The following SGPP2 variants were observed in gnomAD, a reference collection of about 807,000 sequenced individuals.
SGPP2 encodes sphingosine 1-phosphate phosphohydrolase 2.
A neutral mutation model predicts 33.9 loss-of-function variants in SGPP2; 30 were observed. The ratio of observed to expected loss-of-function variants is 0.89; its 90% CI spans 0.66 to 1.20. The LOEUF is 1.20. Among genes scored for constraint, SGPP2 ranks in the 50% most tolerant of loss-of-function variants. The pLI is 0.00. For missense variants in SGPP2, 458 were observed against 532.1 expected (o/e 0.86, Z 1.37); for synonymous variants, 233 against 225.0 (o/e 1.04, Z -0.32).
intron 1 of SGPP2, among the ~76,000 whole-genome samples, chr2:222,432,182 G>T (rs935695283): frequency 6.6e-6 from 1 of 152,334 alleles, no homozygotes; most frequent in East Asian, 1.9e-4. Context: ...AGGATTGATG[G>T]AGGTGCTTGT....
chr2:222,553,591 T>G (rs914422977), intron 4 of SGPP2, among the ~76,000 whole-genome samples: 1 of 152,160 alleles, frequency 6.6e-6, no homozygotes, highest in Non-Finnish European at 1.5e-5. Context: ...TCCTAGGAGA[T>G]TCCAATGCAC....
At chr2:222,539,304 G>A (rs1025927423) in intron 4 of SGPP2, among the ~76,000 whole-genome samples, 14 of 152,172 alleles carry the variant, frequency 9.2e-5, no homozygotes, top group African/African-American at 2.2e-4. Flanking sequence ...TAATTATAAA[G>A]GTTCTTAAAT....
intron 1 of SGPP2, among the ~76,000 whole-genome samples, chr2:222,443,952 A>G (rs1263168158): frequency 6.6e-6 from 1 of 152,184 alleles, no homozygotes; most frequent in Non-Finnish European, 1.5e-5. Flanking sequence ...TGAGATGTAA[A>G]TAAGATCATC....
chr2:222,515,681 C>T (rs1698594526), intron 2 of SGPP2, among the ~76,000 whole-genome samples: 1 of 152,084 alleles, frequency 6.6e-6, no homozygotes, highest in African/African-American at 2.4e-5. Context: ...ATACAATTCA[C>T]CCATTTAAAG....
rs75573241 is a variant in SGPP2 at position 222,554,212 on chromosome 2, T to G, written c.649-4135T>G. Among the ~76,000 whole-genome samples the G allele has an allele frequency of 9.3e-3, 1,418 of 152,366 alleles. 17 individuals are homozygous for G. Among genetic ancestry groups the G allele is most frequent in the African/African-American group, 0.027 (1,133 of 41,586 alleles). ...AAGTAGCACCTCTGTGTATTCAAGT[T>G]AAAGAGTATCTCTGTATCTGCCCAG... is the stretch of plus-strand genomic sequence containing the variant. On this transcript the variant is annotated intron_variant, in intron 4 of 4. Transcript: ENST00000321276.
intron 4 of SGPP2, among the ~76,000 whole-genome samples, chr2:222,554,329 AG>A: frequency 6.6e-6 from 1 of 152,344 alleles, no homozygotes; most frequent in East Asian, 1.9e-4. Context: ...TTCTTTGTGC[AG>A]TGGCATAGTA....
rs1376298423 is a variant in SGPP2, at chr2:222,558,560, A to T, written c.862A>T (p.Thr288Ser). 1 of 1,614,176 alleles carries T rather than the reference A, an allele frequency of 6.2e-7. No individual in the cohort carries two copies. The highest frequency in any genetic ancestry group is 2.2e-5 in the East Asian group (1 of 44,886). The part of the protein sequence containing the change: ...TTILAAGAGV[T>S]IGFWINHFFQ... Reference sequence around the variant, plus strand: ...CATTCTGGCTGCCGGGGCTGGAGTGACCATAGGATTCTGGATCAACCATTT... The same window carrying T: ...CATTCTGGCTGCCGGGGCTGGAGTGTCCATAGGATTCTGGATCAACCATTT... The change falls in exon 5 of 5, where the codon ACC becomes TCC. Residue 288 changes from threonine (T) to serine (S), a missense_variant. By Grantham distance (58) the Thr-to-Ser change is moderately conservative. Transcript: ENST00000321276.
chr2:222,508,905 C>T (rs1216737542), intron 2 of SGPP2, among the ~76,000 whole-genome samples: 2 of 152,106 alleles, frequency 1.3e-5, no homozygotes, highest in African/African-American at 4.8e-5. Context: ...CAGCGTTACA[C>T]ACACACACAT....
rs142734707 is a variant in SGPP2, at chr2:222,558,564, T to C, written c.866T>C (p.Ile289Thr). Residue 289 changes from isoleucine (I) to threonine (T), a missense_variant, in exon 5 of 5, where the codon ATA (isoleucine) becomes ACA (threonine). Ile to Thr is a moderately conservative substitution (Grantham distance 89). Coordinates refer to ENST00000321276, the MANE Select transcript of SGPP2 (RefSeq NM_152386.4). The stretch of plus-strand genomic sequence containing the variant: ...CTGGCTGCCGGGGCTGGAGTGACCA[T>C]AGGATTCTGGATCAACCATTTCTTC... The part of the protein sequence containing the change: ...TILAAGAGVT[I>T]GFWINHFFQL... 1,353 of 1,614,188 alleles carry C rather than the reference T, an allele frequency of 8.4e-4. 3 individuals are homozygous for C. Among genetic ancestry groups the C allele is most frequent in the South Asian group, 1.9e-3 (175 of 91,082 alleles).
chr2:222,518,889 C>T (rs1698643623), intron 2 of SGPP2, among the ~76,000 whole-genome samples: 1 of 152,160 alleles, frequency 6.6e-6, no homozygotes, highest in African/African-American at 2.4e-5. Context: ...AACACCTTCT[C>T]AGGGGGTTAC....
chr2:222,463,840 T>A (rs1697702060), intron 1 of SGPP2, among the ~76,000 whole-genome samples: 1 of 152,234 alleles, frequency 6.6e-6, no homozygotes, highest in South Asian at 2.1e-4. Flanking sequence ...GCCTGAATAA[T>A]TTTCTTACAT....
At chr2:222,546,359 A>G (rs1323022438) in intron 4 of SGPP2, among the ~76,000 whole-genome samples, 4 of 152,188 alleles carry the variant, frequency 2.6e-5, no homozygotes, top group Admixed American at 2.6e-4. Context: ...TTGTAATAAC[A>G]TTAAATGGCT....
intron 1 of SGPP2, among the ~76,000 whole-genome samples, chr2:222,445,769 G>A (rs193177876): frequency 5.4e-4 from 82 of 152,294 alleles, no homozygotes; most frequent in African/African-American, 1.8e-3. Context: ...TGTAGACCCC[G>A]AAGGCTTAGA....
intron 1 of SGPP2, among the ~76,000 whole-genome samples, chr2:222,444,602 A>G (rs148567677): frequency 0.013 from 2,005 of 152,332 alleles, 36 homozygotes; most frequent in African/African-American, 0.04. Flanking sequence ...GGACATATGC[A>G]GGAAAAGGAC....
rs551407053 is a variant in SGPP2 at position 222,432,978 on chromosome 2, G to A, written c.219+8157G>A. 9.9e-5 allele frequency among the ~76,000 whole-genome samples: 15 copies of A among 151,818 alleles called. 1 individual carries two copies. In the South Asian group the frequency reaches 2.7e-3, roughly 27 times the overall value. On this transcript the variant is annotated intron_variant, in intron 1 of 4. Coordinates refer to ENST00000321276, the MANE Select transcript of SGPP2 (RefSeq NM_152386.4). ...AGAGGTTGCGGTAAGCCAAAATCAT[G>A]CCTTTGCACTCCAGCCTGGGCAATA...
At position 222,558,809 on chromosome 2, in the gene SGPP2, G is replaced by C; in HGVS notation, c.1111G>C (p.Val371Leu). The C allele has an allele frequency of 6.2e-7, 1 of 1,614,164 alleles. No individual in the cohort carries two copies. Among genetic ancestry groups the C allele is most frequent in the Non-Finnish European group, 8.5e-7 (1 of 1,180,016 alleles). ...GGCCAGGCGGAGACTGGAGATTGAAGTGCCTTACAAGTTTGTTACCTACAC... is the reference window on the plus strand; with the variant it reads ...GGCCAGGCGGAGACTGGAGATTGAACTGCCTTACAAGTTTGTTACCTACAC... ...KEARRRLEIEVPYKFVTYTSV... is the reference protein window; with the variant it reads ...KEARRRLEIELPYKFVTYTSV... The change falls in exon 5 of 5, where the codon GTG (valine) becomes CTG (leucine). Residue 371 changes from valine (V) to leucine (L), a missense_variant. Physicochemically the swap from Val to Leu is conservative, Grantham distance 32. Transcript: ENST00000321276.
At chr2:222,442,784 T>C (rs911668551) in intron 1 of SGPP2, among the ~76,000 whole-genome samples, 5 of 152,236 alleles carry the variant, frequency 3.3e-5, no homozygotes, top group African/African-American at 1.2e-4. Flanking sequence ...TCCACTCTAA[T>C]ATAATGGTGT....
At position 222,521,801 on chromosome 2, in the gene SGPP2, T is replaced by C; in HGVS notation, c.413T>C (p.Val138Ala). 6.2e-7 allele frequency: 1 copy of C among 1,609,986 alleles called. No homozygotes were observed. The highest frequency in any genetic ancestry group is 8.5e-7 in the Non-Finnish European group (1 of 1,178,722). ...TATATTGGCCAAGTGGCCAAGGATG[T>C]CTTGAAGTGGCCCCGTCCCTCCTCC... Reference protein sequence around the residue: ...VMYIGQVAKDVLKWPRPSSPP... With the variant: ...VMYIGQVAKDALKWPRPSSPP... The change falls in exon 3 of 5, where the codon GTC becomes GCC. Residue 138 changes from valine (V) to alanine (A), a missense_variant. Coordinates refer to ENST00000321276, the MANE Select transcript of SGPP2 (RefSeq NM_152386.4).
intron 1 of SGPP2, among the ~76,000 whole-genome samples, chr2:222,428,785 C>CTTTTT (rs58239129): frequency 2.7e-5 from 2 of 75,344 alleles, no homozygotes; most frequent in East Asian, 4.0e-4. Context: ...ACATGGTTTT[C>CTTTTT]TTTTTTTTTT....
Sources: gnomAD v4.1 joint callset for allele counts (sites outside exome capture counted in the v4.1 genomes callset) on GRCh38, gnomAD v4.1.1 for gene constraint, MANE v1.5 for transcripts, NCBI Gene and HGNC (gene_info 2026-07-23, HGNC 2026-07-21) for gene names.